MYOF: variants seen among roughly 807,000 people sequenced by gnomAD.
MYOF encodes fer-1-like 3, myoferlin.
MYOF carries 244 observed loss-of-function variants against 284.2 expected under a neutral mutation model. The ratio of observed to expected loss-of-function variants is 0.86; its 90% CI spans 0.77 to 0.95. The LOEUF (loss-of-function observed/expected upper bound fraction) is 0.95, where lower values mean the gene tolerates loss of function less well. Ranked by LOEUF, MYOF falls within the 40% of genes least tolerant of loss-of-function variation. MYOF has a pLI of 0.00. For missense variants in MYOF, 2,496 were observed against 2,560.6 expected, an observed-to-expected ratio of 0.97 and a Z score of 0.54; for synonymous variants, 904 against 919.7, an observed-to-expected ratio of 0.98 and a Z score of 0.31.
chr10:93,321,335 A>G (rs956980477), intron 48 of MYOF, among the ~76,000 whole-genome samples: 1 of 151,906 alleles, frequency 6.6e-6, no homozygotes, highest in African/African-American at 2.4e-5. Flanking sequence ...ATACCAATCA[A>G]CTGCAGTAGT....
At chr10:93,454,987 TAAA>T (rs56013436) in intron 2 of MYOF, among the ~76,000 whole-genome samples, 5 of 58,654 alleles carry the variant, frequency 8.5e-5, no homozygotes, top group African/African-American at 2.3e-4. Flanking sequence ...TTTTTTTAAT[TAAA>T]AAAAAAAAAA....
At position 93,419,907 on chromosome 10, in the gene MYOF, G is replaced by A. The variant is rs147106825; in HGVS notation, c.433+6164C>T. Among the ~76,000 whole-genome samples the A allele has an allele frequency of 5.9e-5, 9 of 152,250 alleles. No homozygotes were observed. In the East Asian group the frequency reaches 9.7e-4, roughly 16 times the overall value. On this transcript the variant is annotated intron_variant, in intron 5 of 53. Transcript: ENST00000359263. ...AGCACTTTGGGAGGCCGAGGCTGGCGGATCACCTGAGGTCGGGAGTTCAAG... is the reference window on the plus strand; with the variant it reads ...AGCACTTTGGGAGGCCGAGGCTGGCAGATCACCTGAGGTCGGGAGTTCAAG...
intron 37 of MYOF, among the ~76,000 whole-genome samples, chr10:93,345,932 T>A (rs1844166212): frequency 6.6e-6 from 1 of 152,162 alleles, no homozygotes; most frequent in Non-Finnish European, 1.5e-5. Context: ...CAGGTCCACG[T>A]AAGTGATTCT....
intron 1 of MYOF, among the ~76,000 whole-genome samples, chr10:93,461,051 C>T (rs984962367): frequency 1.3e-5 from 2 of 149,926 alleles, no homozygotes; most frequent in Non-Finnish European, 3.0e-5. Flanking sequence ...GCCTAGATCG[C>T]GCCATTGCAC....
rs574418299 is a variant in MYOF at position 93,469,411 on chromosome 10, A to AT, written c.89-12475_89-12474insA. Among the ~76,000 whole-genome samples the AT allele has an allele frequency of 5.0e-4, 76 of 151,650 alleles. 1 individual carries two copies. The Middle Eastern group carries it at 0.01, about 21-fold the overall frequency. On this transcript the variant is annotated intron_variant, in intron 1 of 53. Transcript: ENST00000359263. The stretch of plus-strand genomic sequence containing the variant: ...GCTAGACTGCATCTCTGAAGAAAAA[A>AT]AAAAAAGATTACACCCATGAAAAAG...
rs746163444 is a variant in MYOF at position 93,359,979 on chromosome 10, C to G, written c.2975-1G>C. 8.7e-6 allele frequency: 14 copies of G among 1,614,040 alleles called. No individual in the cohort carries two copies. The highest frequency in any genetic ancestry group is 1.7e-6 in the Non-Finnish European group (2 of 1,180,038). Reference sequence around the variant, plus strand: ...GGAATGGTGATTCCATATTCCCAGCCTGGAACAGAGTTTGTGAATGGTTAC... The same window carrying G: ...GGAATGGTGATTCCATATTCCCAGCGTGGAACAGAGTTTGTGAATGGTTAC... On this transcript the variant is annotated splice_acceptor_variant, in intron 28 of 53. Transcript: ENST00000359263. LOFTEE classifies it high-confidence loss of function.
intron 16 of MYOF, among the ~76,000 whole-genome samples, chr10:93,395,781 TA>T (rs1846974027): frequency 1.3e-5 from 2 of 151,822 alleles, no homozygotes; most frequent in Non-Finnish European, 2.9e-5. Context: ...AATGCCACTC[TA>T]AAAAATAAGG....
chr10:93,340,111 A>G (rs763803951), intron 39 of MYOF, 42 bp downstream of exon 39: 3 of 1,610,526 alleles, frequency 1.9e-6, no homozygotes, highest in Non-Finnish European at 2.5e-6. Context: ...TGGGCAGAAA[A>G]TACATGAATC....
At chr10:93,436,325 G>C (rs1027478449) in intron 3 of MYOF, among the ~76,000 whole-genome samples, 1 of 152,160 alleles carries the variant, frequency 6.6e-6, no homozygotes, top group African/African-American at 2.4e-5. Flanking sequence ...ACCAGGAAGG[G>C]AGTAAAATAA....
At chr10:93,475,945 A>G (rs1282615681) in intron 1 of MYOF, among the ~76,000 whole-genome samples, 1 of 152,176 alleles carries the variant, frequency 6.6e-6, no homozygotes. Flanking sequence ...CCATGCTTCC[A>G]TAGGGTGGGG....
chr10:93,420,397 T>G (rs973896132), intron 5 of MYOF, among the ~76,000 whole-genome samples: 6 of 152,194 alleles, frequency 3.9e-5, no homozygotes, highest in Non-Finnish European at 5.9e-5. Flanking sequence ...CCCTCTGTCA[T>G]GGGAACAGTC....
chr10:93,325,976 A>G lies in MYOF; in HGVS notation c.5132-11T>C, dbSNP rs1403785063. ...GGATTTTGTTGGCTTCTGCAATGGA[A>G]AGCAGCATTGAAGCAGGAATGAGTA... On this transcript the variant is annotated splice_polypyrimidine_tract_variant and intron_variant, in intron 45 of 53. Transcript: ENST00000359263. 1.2e-6 allele frequency: 2 copies of G among 1,613,944 alleles called. No homozygotes were observed. Among genetic ancestry groups the G allele is most frequent in the African/African-American group, 2.7e-5 (2 of 75,024 alleles).
At chr10:93,326,186 T>C (rs1460237364) in intron 45 of MYOF, among the ~76,000 whole-genome samples, 1 of 152,094 alleles carries the variant, frequency 6.6e-6, no homozygotes, top group African/African-American at 2.4e-5. Flanking sequence ...CTGCCAATAG[T>C]AAAGGGGCCA....
chr10:93,351,376 G>A, intron 34 of MYOF, 37 bp downstream of exon 34: 1 of 1,611,238 alleles, frequency 6.2e-7, no homozygotes, highest in Non-Finnish European at 8.5e-7. Context: ...ATTTTAAGCA[G>A]CTGACAGAAT....
chr10:93,345,406 T>C (rs1399895946), intron 37 of MYOF, among the ~76,000 whole-genome samples: 1 of 152,202 alleles, frequency 6.6e-6, no homozygotes, highest in South Asian at 2.1e-4. Context: ...AGCTTGTGTT[T>C]TAACCACCAC....
At chr10:93,312,148 T>C (rs1001823980) in intron 51 of MYOF, among the ~76,000 whole-genome samples, 2 of 152,246 alleles carry the variant, frequency 1.3e-5, no homozygotes, top group Admixed American at 6.5e-5. Flanking sequence ...TGCTGCCTGG[T>C]TCAAAATTAA....
At chr10:93,335,806 C>T (rs1299010329) in intron 41 of MYOF, 115 bp downstream of exon 41, 2 of 1,301,220 alleles carry the variant, frequency 1.5e-6, no homozygotes, top group Non-Finnish European at 2.1e-6. Context: ...AAAATGCCAG[C>T]ATCCCTCAGA....
chr10:93,478,209 A>G, intron 1 of MYOF: 1 of 347,842 alleles, frequency 2.9e-6, no homozygotes, highest in African/African-American at 2.2e-5. Flanking sequence ...GTTTGGAAGA[A>G]TCATCAAGTC....
At chr10:93,342,250 G>C (rs1045288914) in intron 38 of MYOF, among the ~76,000 whole-genome samples, 1 of 152,104 alleles carries the variant, frequency 6.6e-6, no homozygotes, top group Non-Finnish European at 1.5e-5. Flanking sequence ...TTGAGGAAGT[G>C]GTAATACATG....
Sources: gnomAD v4.1 joint callset for allele counts (sites outside exome capture counted in the v4.1 genomes callset) on GRCh38, gnomAD v4.1.1 for gene constraint, MANE v1.5 for transcripts, NCBI Gene and HGNC (gene_info 2026-07-23, HGNC 2026-07-21) for gene names.